Variants in BRWD1 observed in about 807,000 individuals in gnomAD.
BRWD1 encodes bromodomain and WD repeat-containing protein 1.
BRWD1 carries 82 observed loss-of-function variants against 251.2 expected under a neutral mutation model. That is an observed-to-expected ratio of 0.33 (90% CI 0.27 to 0.39). The LOEUF (loss-of-function observed/expected upper bound fraction) is 0.39. Among genes scored for constraint, BRWD1 ranks in the 10% least tolerant of loss-of-function variants. The probability of loss-of-function intolerance (pLI) is 1.00; values close to 1 mark genes in which losing one functional copy is unlikely to be tolerated. For missense variants in BRWD1, 2,233 were observed against 2,711.6 expected, an observed-to-expected ratio of 0.82 and a Z score of 3.92; for synonymous variants, 918 against 902.8, an observed-to-expected ratio of 1.02 and a Z score of -0.30.
intron 4 of BRWD1, among the ~76,000 whole-genome samples, chr21:39,309,183 A>G (rs949129277): frequency 2.0e-5 from 3 of 151,622 alleles, no homozygotes; most frequent in African/African-American, 7.3e-5. Context: ...AAAAAAAAAC[A>G]AAACAAAAAT....
chr21:39,198,941 A>T lies in BRWD1; in HGVS notation c.5475T>A (p.Ser1825=). ...CTTCTCTATCTTGCTCTTCAGATTCAGAGTCTTCTGAGTCACTCAGAATCT... is the reference window on the plus strand; with the variant it reads ...CTTCTCTATCTTGCTCTTCAGATTCTGAGTCTTCTGAGTCACTCAGAATCT... The part of the protein sequence containing the change: ...KTKILSDSED[S]ESEEQDREDG... The change falls in exon 40 of 41, where the codon TCT becomes TCA. Residue 1825 remains serine (S), a synonymous_variant. Coordinates refer to ENST00000342449, the MANE Select transcript of BRWD1 (RefSeq NM_033656.4). 1 of 1,614,088 alleles carries T rather than the reference A, an allele frequency of 6.2e-7. No individual in the cohort carries two copies. Among genetic ancestry groups the T allele is most frequent in the Admixed American group, 1.7e-5 (1 of 60,022 alleles).
chr21:39,307,172 A>G (rs770343860), intron 4 of BRWD1, among the ~76,000 whole-genome samples: 18 of 152,314 alleles, frequency 1.2e-4, no homozygotes, highest in African/African-American at 1.7e-4. Flanking sequence ...AAATTTAATC[A>G]TAAAATATTT....
intron 15 of BRWD1, among the ~76,000 whole-genome samples, chr21:39,268,802 C>G (rs937513689): frequency 2.6e-5 from 4 of 152,020 alleles, no homozygotes; most frequent in African/African-American, 9.7e-5. Flanking sequence ...CTGGCTAACA[C>G]GGTGAAACCC....
Position 39,206,179 on chromosome 21 carries a change from T to C in BRWD1, c.4293A>G (p.Lys1431=), listed in dbSNP as rs763855181. The change falls in exon 37 of 41, where the codon AAA becomes AAG. Residue 1431 remains lysine (K), a synonymous_variant. Transcript: ENST00000342449. ...GCTTGAACCTCTGGCTTCTTCGAAG[T>C]TTTTCATTGAATTTTTGACCAATTT... The part of the protein sequence containing the change: ...DFKIGQKFNE[K]LRRSQRFKQR... The C allele has an allele frequency of 6.2e-7, 1 of 1,613,746 alleles. No homozygotes were observed. Among genetic ancestry groups the C allele is most frequent in the East Asian group, 2.2e-5 (1 of 44,870 alleles).
At chr21:39,226,593 T>C (rs549922588) in intron 27 of BRWD1, among the ~76,000 whole-genome samples, 1 of 152,338 alleles carries the variant, frequency 6.6e-6, no homozygotes, top group East Asian at 1.9e-4. Flanking sequence ...TTTAAAGTTA[T>C]TTGGAACACA....
At chr21:39,243,417 A>G (rs1029004) in intron 21 of BRWD1, among the ~76,000 whole-genome samples, 72,098 of 152,066 alleles carry the variant, frequency 0.47, 17,265 homozygotes, top group Admixed American at 0.54. Context: ...TGCAGATCTG[A>G]TAATGACATT....
Position 39,189,815 on chromosome 21 carries a change from T to G in BRWD1, c.*6444A>C, listed in dbSNP as rs1351336073. 2 of 985,206 alleles carry G rather than the reference T, an allele frequency of 2.0e-6. No homozygotes were observed. The highest frequency in any genetic ancestry group is 5.2e-4 in the Middle Eastern group (1 of 1,936). 61.0% of individuals were successfully genotyped at this position (985,206 alleles called of 1,614,324 possible). A position where few individuals can be genotyped will look rare whatever the true frequency, so the allele number is the denominator to read the frequency against. On this transcript the variant is annotated 3_prime_UTR_variant, in exon 41 of 41. Coordinates refer to ENST00000342449, the MANE Select transcript of BRWD1 (RefSeq NM_033656.4). ...GATATTTCAGGGTTAGAAGTCAAAT[T>G]TGTGTGTTAGGGTACAAGCTTAAGA...
intron 8 of BRWD1, among the ~76,000 whole-genome samples, chr21:39,285,094 GA>G: frequency 6.6e-6 from 1 of 152,116 alleles, no homozygotes; most frequent in Admixed American, 6.6e-5. Flanking sequence ...ACAGATGAAT[GA>G]ACAAAGAAAA....
At chr21:39,202,146 G>T (rs1339870547) in intron 38 of BRWD1, among the ~76,000 whole-genome samples, 179 bp downstream of exon 38, 1 of 152,166 alleles carries the variant, frequency 6.6e-6, no homozygotes, top group Admixed American at 6.5e-5. Context: ...CACAAAGCAT[G>T]GCACTTACAG....
rs1342249300 is a variant in BRWD1, at chr21:39,247,883, A to G, written c.2350-51T>C. The G allele has an allele frequency of 5.4e-6, 8 of 1,492,048 alleles. No homozygotes were observed. In the African/African-American group the frequency reaches 5.7e-5, roughly 11 times the overall value. 92.4% of individuals were successfully genotyped at this position (1,492,048 alleles called of 1,614,324 possible). A position where few individuals can be genotyped will look rare whatever the true frequency, so the allele number is the denominator to read the frequency against. On this transcript the variant is annotated intron_variant, in intron 20 of 40. Transcript: ENST00000342449. ...GAAAATCAACACCTAAATAAGGACA[A>G]TATCAACAAAATGGGCATTCCGTCA...
intron 21 of BRWD1, among the ~76,000 whole-genome samples, chr21:39,243,881 C>G (rs2034088693): frequency 6.6e-6 from 1 of 152,144 alleles, no homozygotes; most frequent in Admixed American, 6.5e-5. Context: ...TGATAACAGT[C>G]AGGGTGGTAA....
At chr21:39,244,542 T>G (rs1322819951) in intron 21 of BRWD1, among the ~76,000 whole-genome samples, 1 of 152,236 alleles carries the variant, frequency 6.6e-6, no homozygotes, top group East Asian at 1.9e-4. Context: ...ATAAAATGCA[T>G]TAATGTTTAG....
intron 32 of BRWD1, 142 bp from the exon 33 acceptor site, chr21:39,213,695 C>A: frequency 1.8e-6 from 1 of 545,382 alleles, no homozygotes; most frequent in African/African-American, 2.0e-5. Context: ...TTTCCCCCAA[C>A]CCTTTGTAAA....
In BRWD1 at chr21:39,188,981, G is replaced by A; in HGVS notation, c.*7278C>T. 6.1e-6 allele frequency: 6 copies of A among 985,390 alleles called. No homozygotes were observed. The highest frequency in any genetic ancestry group is 7.2e-6 in the Non-Finnish European group (6 of 829,924). The allele number at this position is 985,390 out of a possible 1,614,324, so 61.0% of individuals were successfully genotyped here. A position where few individuals can be genotyped will look rare whatever the true frequency, so the allele number is the denominator to read the frequency against. On this transcript the variant is annotated 3_prime_UTR_variant, in exon 41 of 41. Transcript: ENST00000342449. ...CCTTCAGCTGGACTCTGTGGGAAGA[G>A]AAGTGGCTTAAAGTGCACTGTGTTT...
upstream of BRWD1, among the ~76,000 whole-genome samples, chr21:39,316,550 A>C (rs896120580): frequency 1.3e-5 from 2 of 152,192 alleles, no homozygotes; most frequent in Non-Finnish European, 2.9e-5. Context: ...AAACCCCCTA[A>C]AGATATTACA....
intron 23 of BRWD1, chr21:39,235,495 C>G (rs2146563458): frequency 1.2e-5 from 2 of 165,528 alleles, no homozygotes; most frequent in South Asian, 1.6e-4. Context: ...TTACTCCGTT[C>G]ATAGTGAATT....
At position 39,301,978 on chromosome 21, in the gene BRWD1, G is replaced by GTTTTTTT. The variant is rs750413248; in HGVS notation, c.199-3403_199-3397dup. On this transcript the variant is annotated intron_variant, in intron 4 of 40. Transcript: ENST00000342449. Reference sequence around the variant, plus strand: ...AAACCTTTGTTAAAAAGCTTTGTGTGTTTTTTTTTTTTTTTTTTTTTTTTG... The same window carrying GTTTTTTT: ...AAACCTTTGTTAAAAAGCTTTGTGTGTTTTTTTTTTTTTTTTTTTTTTTTTTTTTTTG... Among the ~76,000 whole-genome samples the GTTTTTTT allele has an allele frequency of 6.4e-4, 51 of 79,866 alleles. 1 individual carries two copies. The highest frequency in any genetic ancestry group is 1.6e-3 in the East Asian group (4 of 2,470). The allele number at this position is 79,866 out of a possible 152,430, so 52.4% of individuals were successfully genotyped here. A position where few individuals can be genotyped will look rare whatever the true frequency, so the allele number is the denominator to read the frequency against.
At chr21:39,286,053 C>T (rs1446443264) in intron 8 of BRWD1, among the ~76,000 whole-genome samples, 2 of 130,310 alleles carry the variant, frequency 1.5e-5, no homozygotes, top group South Asian at 2.3e-4. Flanking sequence ...CTCGCTCTGT[C>T]GCCCAGGCTA....
In BRWD1 at chr21:39,195,494, ATT is replaced by A; in HGVS notation, c.*763_*764del. ...TTGGACAGAAGACAGATTATATAGC[ATT>A]TTGTTAGTGCACAATTTAAAAGAAA... On this transcript the variant is annotated 3_prime_UTR_variant, in exon 41 of 41. Transcript: ENST00000342449. 1.0e-6 allele frequency: 1 copy of A among 985,276 alleles called. No homozygotes were observed. The highest frequency in any genetic ancestry group is 4.7e-5 in the South Asian group (1 of 21,276). The allele number at this position is 985,276 out of a possible 1,614,324, so 61.0% of individuals were successfully genotyped here. A position where few individuals can be genotyped will look rare whatever the true frequency, so the allele number is the denominator to read the frequency against.
Sources: allele counts gnomAD v4.1 joint callset (sites outside exome capture counted in the v4.1 genomes callset), GRCh38; gene constraint gnomAD v4.1.1; transcripts MANE v1.5; gene names NCBI Gene and HGNC (gene_info 2026-07-23, HGNC 2026-07-21).